The following BRAF variants were observed in gnomAD, a reference collection of about 807,000 sequenced individuals.
BRAF encodes B-Raf proto-oncogene, serine/threonine kinase.
In BRAF, 16 loss-of-function variants were observed where a neutral mutation model predicts 104.6. That is an observed-to-expected ratio of 0.15 (90% CI 0.10 to 0.23). The LOEUF is 0.23. Among genes scored for constraint, BRAF ranks in the 10% least tolerant of loss-of-function variants. The pLI is 1.00. For missense variants in BRAF, 541 were observed against 937.3 expected, an observed-to-expected ratio of 0.58 and a Z score of 5.52; for synonymous variants, 310 against 341.6, an observed-to-expected ratio of 0.91 and a Z score of 1.02.
intron 1 of BRAF, among the ~76,000 whole-genome samples, chr7:140,885,232 A>G (rs561288447): frequency 6.6e-6 from 1 of 152,024 alleles, no homozygotes; most frequent in Admixed American, 6.6e-5. Context: ...TGAACTCCTG[A>G]CCTCAAGTGA....
At chr7:140,736,497 G>A (rs1470015094) in intron 18 of BRAF, among the ~76,000 whole-genome samples, 2 of 139,514 alleles carry the variant, frequency 1.4e-5, no homozygotes, top group African/African-American at 2.7e-5. Context: ...GTGCGATCTC[G>A]GCTCACCGCA....
chr7:140,763,500 C>A (rs2129008199), intron 14 of BRAF, among the ~76,000 whole-genome samples: 1 of 152,238 alleles, frequency 6.6e-6, no homozygotes, highest in South Asian at 2.1e-4. Context: ...GGGCGGCTGG[C>A]CCAGGAGCTG....
chr7:140,763,358 G>A (rs1411710759), intron 14 of BRAF, among the ~76,000 whole-genome samples: 84 of 144,922 alleles, frequency 5.8e-4, no homozygotes, highest in Non-Finnish European at 8.8e-4. Flanking sequence ...CCTCCCTCCC[G>A]GACGGGGCAG....
intron 1 of BRAF, among the ~76,000 whole-genome samples, chr7:140,881,482 T>C (rs1015244080): frequency 2.0e-5 from 3 of 152,216 alleles, no homozygotes; most frequent in African/African-American, 7.2e-5. Flanking sequence ...CTCGAACTCC[T>C]AGCCTCAAGT....
At chr7:140,895,105 ACAAT>A (rs1434832817) in intron 1 of BRAF, among the ~76,000 whole-genome samples, 1 of 152,214 alleles carries the variant, frequency 6.6e-6, no homozygotes, top group African/African-American at 2.4e-5. Context: ...ACCTAATTCA[ACAAT>A]CAATTAAAAG....
chr7:140,776,859 T>C (rs960852908), intron 14 of BRAF, 53 bp downstream of exon 13: 46 of 1,549,306 alleles, frequency 3.0e-5, no homozygotes, highest in Admixed American at 1.0e-4. Context: ...CTTTAAAACA[T>C]CCTCAATGGT....
At chr7:140,828,480 A>G (rs542766842) in intron 3 of BRAF, among the ~76,000 whole-genome samples, 1 of 152,180 alleles carries the variant, frequency 6.6e-6, no homozygotes, top group African/African-American at 2.4e-5. Flanking sequence ...TCTAGTTGAG[A>G]GAGATATTTC....
chr7:140,765,405 TA>T (rs2129010020), intron 14 of BRAF, among the ~76,000 whole-genome samples: 1 of 152,176 alleles, frequency 6.6e-6, no homozygotes, highest in South Asian at 2.1e-4. Flanking sequence ...ACTTCATGTC[TA>T]AAACACCAAA....
chr7:140,794,509 G>T, intron 7 of BRAF, 42 bp from the exon 8 acceptor site: 1 of 1,583,988 alleles, frequency 6.3e-7, no homozygotes, highest in South Asian at 1.1e-5. Flanking sequence ...TCAGAGTAAC[G>T]ATATAAAGGT....
At chr7:140,863,311 T>A (rs1349412960) in intron 1 of BRAF, among the ~76,000 whole-genome samples, 1 of 152,164 alleles carries the variant, frequency 6.6e-6, no homozygotes, top group Admixed American at 6.5e-5. Context: ...AAAAGCCATG[T>A]TTCCAACTAG....
At chr7:140,903,986 T>C (rs1045086554) in intron 1 of BRAF, among the ~76,000 whole-genome samples, 1 of 152,234 alleles carries the variant, frequency 6.6e-6, no homozygotes, top group African/African-American at 2.4e-5. Flanking sequence ...TTTCTTGACA[T>C]GAACTCTACT....
chr7:140,723,816 A>G lies in BRAF; in HGVS notation c.*2678T>C. 1 of 1,046,760 alleles carries G rather than the reference A, an allele frequency of 9.6e-7. No homozygotes were observed. Among genetic ancestry groups the G allele is most frequent in the African/African-American group, 1.7e-5 (1 of 60,150 alleles). The allele number at this position is 1,046,760 out of a possible 1,614,324, so 64.8% of individuals were successfully genotyped here. ...GCAGCCACATACTGTCTATACAATT[A>G]CTCATAAAGTGCTTTTCACAAATAA... On this transcript the variant is annotated 3_prime_UTR_variant, in exon 20 of 20. Transcript: ENST00000644969.
chr7:140,719,375 T>C lies in BRAF; in HGVS notation c.*7119A>G. Reference sequence around the variant, plus strand: ...TCTTTATTATAGCAGTATTCGCATATTCACATCAAGTACATAGAACTTTTT... The same window carrying C: ...TCTTTATTATAGCAGTATTCGCATACTCACATCAAGTACATAGAACTTTTT... On this transcript the variant is annotated 3_prime_UTR_variant, in exon 20 of 20. Coordinates refer to ENST00000644969, the MANE Select transcript of BRAF (RefSeq NM_001374258.1). 3.0e-6 allele frequency: 3 copies of C among 1,003,924 alleles called. No individual in the cohort carries two copies. The highest frequency in any genetic ancestry group is 3.6e-6 in the Non-Finnish European group (3 of 834,470). 62.2% of individuals were successfully genotyped at this position (1,003,924 alleles called of 1,614,324 possible). A position where few individuals can be genotyped will look rare whatever the true frequency, so the allele number is the denominator to read the frequency against.
chr7:140,722,619 A>G lies in BRAF; in HGVS notation c.*3875T>C, dbSNP rs1795373620. The G allele has an allele frequency of 4.7e-6, 5 of 1,054,140 alleles. No individual in the cohort carries two copies. Among genetic ancestry groups the G allele is most frequent in the Non-Finnish European group, 5.7e-6 (5 of 872,220 alleles). The allele number at this position is 1,054,140 out of a possible 1,614,324, so 65.3% of individuals were successfully genotyped here. ...GGTGCTGGTATTCCTAGCACTAACA[A>G]TGCCAACTTGGACAAAGAAGAGAAT... On this transcript the variant is annotated 3_prime_UTR_variant, in exon 20 of 20. Coordinates refer to ENST00000644969, the MANE Select transcript of BRAF (RefSeq NM_001374258.1).
chr7:140,746,824 C>T (rs1302209794), intron 17 of BRAF, among the ~76,000 whole-genome samples: 1 of 148,170 alleles, frequency 6.7e-6, no homozygotes, highest in Admixed American at 6.7e-5. Flanking sequence ...AGCAAGACTC[C>T]GTCTTGGAAA....
chr7:140,836,210 A>G (rs1199655039), intron 2 of BRAF: 1 of 152,226 alleles, frequency 6.6e-6, no homozygotes, highest in Non-Finnish European at 1.5e-5. Context: ...AAAGATCAAT[A>G]TATGTTTGTG....
intron 14 of BRAF, among the ~76,000 whole-genome samples, chr7:140,765,904 G>T (rs1242927099): frequency 7.0e-6 from 1 of 143,430 alleles, no homozygotes; most frequent in Admixed American, 6.7e-5. Flanking sequence ...ATTCCTCAGG[G>T]ATCTAGAACT....
At chr7:140,884,727 G>A (rs901925609) in intron 1 of BRAF, among the ~76,000 whole-genome samples, 13 of 151,960 alleles carry the variant, frequency 8.6e-5, no homozygotes, top group African/African-American at 3.1e-4. Flanking sequence ...GGGATTACAG[G>A]TGTTAGCCAC....
chr7:140,846,983 T>C (rs970422131), intron 2 of BRAF, among the ~76,000 whole-genome samples: 47 of 151,410 alleles, frequency 3.1e-4, no homozygotes, highest in African/African-American at 1.1e-3. Flanking sequence ...TGGTGAAACC[T>C]GTCTCCACTA....
Sources: allele counts gnomAD v4.1 joint callset (sites outside exome capture counted in the v4.1 genomes callset), GRCh38; gene constraint gnomAD v4.1.1; transcripts MANE v1.5; gene names NCBI Gene and HGNC (gene_info 2026-07-23, HGNC 2026-07-21).